The following LINGO2 variants were observed in gnomAD, a reference collection of about 807,000 sequenced individuals.
The protein encoded by LINGO2 is leucine-rich repeat and immunoglobulin-like domain-containing nogo receptor-interacting protein 2.
In LINGO2, 14 loss-of-function variants were observed where a neutral mutation model predicts 30.6. The ratio of observed to expected loss-of-function variants is 0.46; its 90% CI spans 0.30 to 0.72. The LOEUF (loss-of-function observed/expected upper bound fraction) is 0.72. Among genes scored for constraint, LINGO2 ranks in the 30% least tolerant of loss-of-function variants. LINGO2 has a pLI of 0.07. For synonymous variants in LINGO2, 317 were observed against 288.5 expected, an observed-to-expected ratio of 1.10 and a Z score of -1.00; for missense variants, 729 against 751.7, an observed-to-expected ratio of 0.97 and a Z score of 0.35.
chr9:28,323,451 T>G (rs1825118385), intron 3 of LINGO2, among the ~76,000 whole-genome samples: 2 of 152,000 alleles, frequency 1.3e-5, no homozygotes, highest in Admixed American at 6.6e-5. Flanking sequence ...AATACAAAAA[T>G]TAGCCAGGTG....
the LINGO2 span, among the ~76,000 whole-genome samples, chr9:28,945,428 C>T: frequency 5.9e-3 from 893 of 152,262 alleles, 8 homozygotes; most frequent in African/African-American, 0.021. Context: ...TACTCTACTG[C>T]CTAATAAGTG....
chr9:28,865,456 G>A, the LINGO2 span, among the ~76,000 whole-genome samples: 2 of 152,086 alleles, frequency 1.3e-5, no homozygotes, highest in African/African-American at 4.8e-5. Context: ...CTAGTTGGGT[G>A]GAATACATTT....
At chr9:28,913,712 C>G in the LINGO2 span, among the ~76,000 whole-genome samples, 3 of 152,054 alleles carry the variant, frequency 2.0e-5, no homozygotes, top group African/African-American at 4.8e-5. Flanking sequence ...TTGTGATAAT[C>G]TGATAATACT....
intron 4 of LINGO2, among the ~76,000 whole-genome samples, chr9:28,187,610 G>T (rs1397054301): frequency 6.6e-6 from 1 of 152,132 alleles, no homozygotes; most frequent in Non-Finnish European, 1.5e-5. Flanking sequence ...AAATTAATCA[G>T]TAAAGAGGAG....
At chr9:28,263,586 T>C (rs1450704497) in intron 4 of LINGO2, among the ~76,000 whole-genome samples, 1 of 151,980 alleles carries the variant, frequency 6.6e-6, no homozygotes, top group Non-Finnish European at 1.5e-5. Flanking sequence ...ATGAGATAGG[T>C]TAAAATCTCA....
chr9:28,455,869 T>A (rs1177287920), intron 2 of LINGO2, among the ~76,000 whole-genome samples: 1 of 152,082 alleles, frequency 6.6e-6, no homozygotes, highest in Non-Finnish European at 1.5e-5. Flanking sequence ...ACCATGGCAT[T>A]TTTCTTTTAA....
chr9:27,954,400 A>G (rs1190374302), intron 5 of LINGO2, among the ~76,000 whole-genome samples: 1 of 152,098 alleles, frequency 6.6e-6, no homozygotes, highest in African/African-American at 2.4e-5. Flanking sequence ...TTCAACCTCC[A>G]TGCTCTCAAT....
chr9:28,611,719 C>T (rs1825922094), intron 1 of LINGO2, among the ~76,000 whole-genome samples: 1 of 151,934 alleles, frequency 6.6e-6, no homozygotes, highest in East Asian at 1.9e-4. Context: ...AACAGGATTT[C>T]TTTCTTCATA....
At chr9:28,833,987 T>C in the LINGO2 span, among the ~76,000 whole-genome samples, 2 of 152,094 alleles carry the variant, frequency 1.3e-5, no homozygotes, top group Non-Finnish European at 2.9e-5. Context: ...CTGCACAATT[T>C]GAAGCTCCTG....
At chr9:28,529,147 C>A (rs933959212) in intron 1 of LINGO2, among the ~76,000 whole-genome samples, 31 of 152,064 alleles carry the variant, frequency 2.0e-4, no homozygotes, top group African/African-American at 7.2e-4. Flanking sequence ...CCATAAACAT[C>A]GTAATGACCC....
intron 4 of LINGO2, among the ~76,000 whole-genome samples, chr9:28,158,021 T>C (rs931058697): frequency 4.6e-5 from 7 of 152,194 alleles, no homozygotes; most frequent in African/African-American, 1.7e-4. Flanking sequence ...AGTGTGAAAG[T>C]TGCTTCCACA....
chr9:28,990,145 A>G, the LINGO2 span, among the ~76,000 whole-genome samples: 1 of 151,832 alleles, frequency 6.6e-6, no homozygotes, highest in African/African-American at 2.4e-5. Flanking sequence ...TAGTCAAAGA[A>G]AGGGGTGACA....
the LINGO2 span, among the ~76,000 whole-genome samples, chr9:28,682,512 G>A: frequency 6.6e-5 from 10 of 152,018 alleles, no homozygotes; most frequent in African/African-American, 2.4e-4. Flanking sequence ...GGAATCTTGA[G>A]GAGGTTTTAA....
At chr9:28,066,201 T>C (rs1297365479) in intron 4 of LINGO2, among the ~76,000 whole-genome samples, 1 of 152,100 alleles carries the variant, frequency 6.6e-6, no homozygotes, top group East Asian at 1.9e-4. Context: ...AGAGACAGCC[T>C]AAATTTTCTC....
chr9:28,523,898 T>C (rs895763701), intron 1 of LINGO2, among the ~76,000 whole-genome samples: 2 of 151,960 alleles, frequency 1.3e-5, no homozygotes, highest in African/African-American at 2.4e-5. Flanking sequence ...AGTTGGCTTT[T>C]TTTTTTTTTA....
the LINGO2 span, among the ~76,000 whole-genome samples, chr9:28,749,949 T>A: frequency 6.6e-6 from 1 of 152,104 alleles, no homozygotes; most frequent in South Asian, 2.1e-4. Flanking sequence ...GTACTTACAC[T>A]GTCAAGCTAA....
chr9:29,021,896 G>A, the LINGO2 span, among the ~76,000 whole-genome samples: 2 of 152,034 alleles, frequency 1.3e-5, no homozygotes, highest in African/African-American at 4.8e-5. Flanking sequence ...GTTTTAAATA[G>A]ATTAACATAA....
the LINGO2 span, among the ~76,000 whole-genome samples, chr9:29,067,998 T>A: frequency 6.8e-4 from 103 of 151,906 alleles, 1 homozygote; most frequent in South Asian, 0.013. Flanking sequence ...ACAAAAGAAG[T>A]TCAAATTTTT....
chr9:28,750,234 A>G, the LINGO2 span, among the ~76,000 whole-genome samples: 1 of 152,168 alleles, frequency 6.6e-6, no homozygotes, highest in Non-Finnish European at 1.5e-5. Flanking sequence ...AATGGCAGTT[A>G]TGAAAGCTGA....
Sources: gnomAD v4.1 joint callset for allele counts (sites outside exome capture counted in the v4.1 genomes callset) on GRCh38, gnomAD v4.1.1 for gene constraint, MANE v1.5 for transcripts, NCBI Gene and HGNC (gene_info 2026-07-23, HGNC 2026-07-21) for gene names.